ATP11A: variants seen among roughly 807,000 people sequenced by gnomAD.
ATP11A encodes ATPase phospholipid transporting 11A, also known as phospholipid-transporting ATPase IH.
Under a neutral mutation model 154.4 loss-of-function variants are expected in ATP11A, and 81 were observed. The observed-to-expected ratio is 0.52, with a 90% CI of 0.44 to 0.63. The LOEUF (loss-of-function observed/expected upper bound fraction) is 0.63, where lower values mean the gene tolerates loss of function less well. ATP11A is among the 30% of genes least tolerant of loss of function. ATP11A has a pLI of 0.00. For missense variants in ATP11A, 1,316 were observed against 1,474.3 expected (o/e 0.89, Z 1.76); for synonymous variants, 623 against 585.9 (o/e 1.06, Z -0.91).
intron 16 of ATP11A, among the ~76,000 whole-genome samples, chr13:112,839,976 G>A (rs945440292): frequency 6.6e-6 from 1 of 152,112 alleles, no homozygotes. Context: ...CTCTGACATC[G>A]ATTGGGTAGT....
intron 2 of ATP11A, among the ~76,000 whole-genome samples, chr13:112,794,932 G>C (rs888617558): frequency 6.6e-6 from 1 of 151,926 alleles, no homozygotes; most frequent in Admixed American, 6.6e-5. Context: ...TTCCAAAGCT[G>C]TACAGTAACA....
At chr13:112,744,352 C>T (rs143237511) in intron 1 of ATP11A, among the ~76,000 whole-genome samples, 1 of 151,356 alleles carries the variant, frequency 6.6e-6, no homozygotes, top group South Asian at 2.1e-4. Flanking sequence ...TCTTTCCTCC[C>T]GGCACCCGGC....
chr13:112,707,815 T>C (rs942604928), intron 1 of ATP11A, among the ~76,000 whole-genome samples: 8 of 152,046 alleles, frequency 5.3e-5, no homozygotes, highest in African/African-American at 1.9e-4. Flanking sequence ...ACCGAGAAGC[T>C]CCAAAGCACT....
At chr13:112,698,481 A>G (rs543529405) in intron 1 of ATP11A, among the ~76,000 whole-genome samples, 27 of 152,324 alleles carry the variant, frequency 1.8e-4, no homozygotes, top group African/African-American at 5.8e-4. Context: ...ATTGCAGCAG[A>G]GCCAGAGAGC....
intron 1 of ATP11A, among the ~76,000 whole-genome samples, chr13:112,735,971 G>T (rs71446625): frequency 0.076 from 11,622 of 152,232 alleles, 583 homozygotes; most frequent in Middle Eastern, 0.12. Context: ...GTCTGCACAT[G>T]CCCAGAGCCT....
chr13:112,755,542 A>G (rs1011819877), intron 1 of ATP11A, among the ~76,000 whole-genome samples: 1 of 152,260 alleles, frequency 6.6e-6, no homozygotes, highest in Non-Finnish European at 1.5e-5. Flanking sequence ...ACTGCAGCCA[A>G]GGTTAGCCAG....
chr13:112,844,827 TGTTAGTGGTACTAACCAGTCCAGTTGCC>T (rs2079535551), intron 17 of ATP11A, among the ~76,000 whole-genome samples: 7 of 62,648 alleles, frequency 1.1e-4, no homozygotes, highest in African/African-American at 3.8e-4. Context: ...AGTTGCCGGG[TGTTAGTGGTACTAACCAGTCCAGTTGCC>T]GGGCACTAAC....
At chr13:112,709,063 T>A (rs1479189520) in intron 1 of ATP11A, among the ~76,000 whole-genome samples, 3 of 151,980 alleles carry the variant, frequency 2.0e-5, no homozygotes, top group Non-Finnish European at 4.4e-5. Context: ...GAGGGGGAAT[T>A]GGGTGTCCCC....
intron 26 of ATP11A, among the ~76,000 whole-genome samples, chr13:112,873,128 C>G (rs1628778): frequency 1.2e-4 from 2 of 17,154 alleles, no homozygotes; most frequent in African/African-American, 2.5e-4. Context: ...TCTTCCTGAA[C>G]GGTGTGAGGT....
intron 1 of ATP11A, among the ~76,000 whole-genome samples, chr13:112,734,827 G>A (rs546061407): frequency 6.6e-6 from 1 of 152,256 alleles, no homozygotes; most frequent in South Asian, 2.1e-4. Context: ...GCCTCCTCCT[G>A]AGGCAGCAAC....
chr13:112,832,409 G>A (rs1471288477), intron 13 of ATP11A, among the ~76,000 whole-genome samples: 2 of 152,208 alleles, frequency 1.3e-5, no homozygotes, highest in African/African-American at 2.4e-5. Flanking sequence ...CAGCAGGAGC[G>A]CCACAGGTCA....
chr13:112,821,847 C>T (rs1160673062), intron 8 of ATP11A, among the ~76,000 whole-genome samples: 1 of 152,198 alleles, frequency 6.6e-6, no homozygotes, highest in Non-Finnish European at 1.5e-5. Flanking sequence ...TTCGTAAACA[C>T]ATGGCAGGAA....
intron 17 of ATP11A, among the ~76,000 whole-genome samples, chr13:112,846,562 C>T (rs1435637317): frequency 1.3e-5 from 2 of 152,114 alleles, no homozygotes; most frequent in Admixed American, 6.5e-5. Context: ...ACGGATGGGA[C>T]GTGTGTGATA....
At chr13:112,782,262 G>A (rs928046226) in intron 1 of ATP11A, among the ~76,000 whole-genome samples, 2 of 152,192 alleles carry the variant, frequency 1.3e-5, no homozygotes, top group African/African-American at 4.8e-5. Flanking sequence ...GCCGGGAAGC[G>A]TGGGCTCGCT....
chr13:112,878,798 C>T (rs563647273), intron 29 of ATP11A, among the ~76,000 whole-genome samples: 4 of 152,226 alleles, frequency 2.6e-5, no homozygotes, highest in Non-Finnish European at 5.9e-5. Context: ...TAGGATAACA[C>T]GGTTTGCTCA....
At chr13:112,800,597 C>T (rs1426661357) in intron 2 of ATP11A, among the ~76,000 whole-genome samples, 1 of 151,878 alleles carries the variant, frequency 6.6e-6, no homozygotes, top group Non-Finnish European at 1.5e-5. Context: ...CAATTCTCTA[C>T]AATCTCTTCC....
intron 2 of ATP11A, among the ~76,000 whole-genome samples, chr13:112,791,952 C>G (rs529088155): frequency 4.1e-4 from 62 of 152,286 alleles, no homozygotes; most frequent in African/African-American, 1.4e-3. Flanking sequence ...TCAGGAGCGC[C>G]GTCTGCGTGC....
chr13:112,854,557 C>A, intron 19 of ATP11A, 27 bp downstream of exon 19: 2 of 1,590,494 alleles, frequency 1.3e-6, no homozygotes, highest in Admixed American at 1.7e-5. Context: ...CGCCCCCACC[C>A]CCACACTCCC....
chr13:112,846,359 C>T (rs2079607059), intron 17 of ATP11A, among the ~76,000 whole-genome samples: 1 of 152,144 alleles, frequency 6.6e-6, no homozygotes, highest in Non-Finnish European at 1.5e-5. Context: ...GAGACGGTTT[C>T]TGTTGCCATG....
Sources: gnomAD v4.1 joint callset for allele counts (sites outside exome capture counted in the v4.1 genomes callset) on GRCh38, gnomAD v4.1.1 for gene constraint, MANE v1.5 for transcripts, NCBI Gene and HGNC (gene_info 2026-07-23, HGNC 2026-07-21) for gene names.